BMPR1A: variants seen among roughly 807,000 people sequenced by gnomAD.
The protein encoded by BMPR1A is bone morphogenetic protein receptor type-1A.
A neutral mutation model predicts 66.0 loss-of-function variants in BMPR1A; 7 were observed. The observed-to-expected ratio is 0.11, with a 90% CI of 0.06 to 0.20. The LOEUF is 0.20. Ranked by LOEUF, BMPR1A falls within the 10% of genes least tolerant of loss-of-function variation. The probability of loss-of-function intolerance (pLI) is 1.00; values close to 1 mark genes in which losing one functional copy is unlikely to be tolerated. For missense variants in BMPR1A, 408 were observed against 669.1 expected (o/e 0.61, Z 4.31); for synonymous variants, 200 against 229.7 (o/e 0.87, Z 1.17).
intron 1 of BMPR1A, among the ~76,000 whole-genome samples, chr10:86,819,767 A>G (rs897431843): frequency 6.6e-6 from 1 of 152,218 alleles, no homozygotes; most frequent in African/African-American, 2.4e-5. Flanking sequence ...CCGGTAGGGT[A>G]ACAGTCTCCA....
intron 1 of BMPR1A, among the ~76,000 whole-genome samples, chr10:86,831,596 C>T (rs561488104): frequency 2.0e-5 from 3 of 151,658 alleles, no homozygotes; most frequent in Non-Finnish European, 4.4e-5. Flanking sequence ...TTTCTACAAA[C>T]GAACAAACAA....
intron 2 of BMPR1A, among the ~76,000 whole-genome samples, chr10:86,863,009 T>C (rs1842732945): frequency 6.6e-6 from 1 of 151,276 alleles, no homozygotes; most frequent in African/African-American, 2.4e-5. Flanking sequence ...TGAGACAGTC[T>C]CGCTTTGTCG....
In BMPR1A at chr10:86,923,745, C is replaced by G. The variant is rs2133626524; in HGVS notation, c.*26C>G. ...TGGTTAAACCATCGGAGGAGAAACT[C>G]TAGACTGCAAGAACTGTTTTTACCC... On this transcript the variant is annotated 3_prime_UTR_variant, in exon 13 of 13. Transcript: ENST00000372037. The G allele has an allele frequency of 2.5e-6, 4 of 1,611,912 alleles. No homozygotes were observed. The highest frequency in any genetic ancestry group is 3.4e-6 in the Non-Finnish European group (4 of 1,179,616).
intron 2 of BMPR1A, among the ~76,000 whole-genome samples, chr10:86,861,109 G>T (rs1403228109): frequency 6.6e-6 from 1 of 152,054 alleles, no homozygotes; most frequent in Non-Finnish European, 1.5e-5. Flanking sequence ...CCAAAGTGCT[G>T]GGATTACAGG....
intron 2 of BMPR1A, among the ~76,000 whole-genome samples, chr10:86,871,868 T>C (rs1174873190): frequency 4.6e-5 from 7 of 152,140 alleles, no homozygotes; most frequent in African/African-American, 1.7e-4. Context: ...TTGACAAAGA[T>C]GCTCTCAAAC....
At chr10:86,797,463 C>T (rs1841735822) in intron 1 of BMPR1A, among the ~76,000 whole-genome samples, 1 of 151,986 alleles carries the variant, frequency 6.6e-6, no homozygotes, top group Non-Finnish European at 1.5e-5. Flanking sequence ...GAACTCCTGG[C>T]CTCGTGATTC....
chr10:86,919,074 C>T (rs1414448790), intron 9 of BMPR1A, 98 bp from the exon 10 acceptor site: 2 of 1,373,006 alleles, frequency 1.5e-6, no homozygotes, highest in African/African-American at 2.9e-5. Flanking sequence ...ACTATCTGCA[C>T]ATGATACCTA....
At chr10:86,856,278 T>C (rs1274434368) in intron 2 of BMPR1A, 7 of 514,988 alleles carry the variant, frequency 1.4e-5, no homozygotes, top group South Asian at 8.5e-5. Context: ...CTTGTCTGTT[T>C]AGTACCTGTG....
chr10:86,864,285 A>G (rs1375479880), intron 2 of BMPR1A, among the ~76,000 whole-genome samples: 1 of 152,086 alleles, frequency 6.6e-6, no homozygotes, highest in Non-Finnish European at 1.5e-5. Context: ...TCCCCTCATG[A>G]CACCGACACG....
At position 86,896,260 on chromosome 10, in the gene BMPR1A, C is replaced by T. The variant is rs969056634; in HGVS notation, c.334-3534C>T. 3.3e-5 allele frequency among the ~76,000 whole-genome samples: 5 copies of T among 150,472 alleles called. No individual in the cohort carries two copies. The South Asian group carries it at 6.3e-4, about 19-fold the overall frequency. On this transcript the variant is annotated intron_variant, in intron 5 of 12. Coordinates refer to ENST00000372037, the MANE Select transcript of BMPR1A (RefSeq NM_004329.3). ...GATCATGCAACTCCACTCTAGTGTGCGGAGTGATAGCTAGATCTTCTATCA... is the reference window on the plus strand; with the variant it reads ...GATCATGCAACTCCACTCTAGTGTGTGGAGTGATAGCTAGATCTTCTATCA...
In BMPR1A at chr10:86,875,855, T is replaced by G. The variant is rs1343926022; in HGVS notation, c.-152-12T>G. ...TTGTATTCCTTACCTTTTAAATATT[T>G]TTGTCTTTCAGGAGTCGTAAGAAAG... On this transcript the variant is annotated splice_polypyrimidine_tract_variant and intron_variant, in intron 2 of 12. Transcript: ENST00000372037. 4 of 669,680 alleles carry G rather than the reference T, an allele frequency of 6.0e-6. No homozygotes were observed. Among genetic ancestry groups the G allele is most frequent in the Non-Finnish European group, 1.1e-5 (4 of 379,816 alleles). 41.5% of individuals were successfully genotyped at this position (669,680 alleles called of 1,614,324 possible).
At chr10:86,840,841 C>T (rs935739187) in intron 2 of BMPR1A, among the ~76,000 whole-genome samples, 4 of 152,280 alleles carry the variant, frequency 2.6e-5, no homozygotes, top group African/African-American at 9.6e-5. Context: ...GTCAGTTTTA[C>T]CTCTCTAATG....
chr10:86,853,894 C>T (rs1377873128), intron 2 of BMPR1A, among the ~76,000 whole-genome samples: 1 of 152,122 alleles, frequency 6.6e-6, no homozygotes, highest in East Asian at 1.9e-4. Context: ...GTTTCGGGCA[C>T]CATTGTCATT....
At chr10:86,848,355 G>A (rs1842514900) in intron 2 of BMPR1A, among the ~76,000 whole-genome samples, 2 of 152,146 alleles carry the variant, frequency 1.3e-5, no homozygotes, top group African/African-American at 2.4e-5. Flanking sequence ...ACAGTGCCTG[G>A]CCTATAGAGC....
chr10:86,903,668 G>T (rs2133481017), intron 7 of BMPR1A, among the ~76,000 whole-genome samples: 1 of 152,102 alleles, frequency 6.6e-6, no homozygotes, highest in African/African-American at 2.4e-5. Context: ...CTGGAGTGCA[G>T]TGGCACGATC....
chr10:86,906,377 G>T (rs761606269), intron 7 of BMPR1A, among the ~76,000 whole-genome samples: 2 of 152,014 alleles, frequency 1.3e-5, no homozygotes, highest in Non-Finnish European at 2.9e-5. Context: ...TCTATGGTTT[G>T]CTATCTTTCA....
chr10:86,901,764 A>G (rs1004083512), intron 7 of BMPR1A, among the ~76,000 whole-genome samples: 1 of 152,210 alleles, frequency 6.6e-6, no homozygotes, highest in Non-Finnish European at 1.5e-5. Flanking sequence ...GACAGGTGAT[A>G]ATATCTCAAG....
intron 7 of BMPR1A, among the ~76,000 whole-genome samples, chr10:86,902,040 G>T (rs568976766): frequency 6.4e-4 from 98 of 151,948 alleles, no homozygotes; most frequent in Non-Finnish European, 1.2e-3. Context: ...TGTATTTTTA[G>T]TAAAGACGGG....
intron 1 of BMPR1A, among the ~76,000 whole-genome samples, chr10:86,838,550 C>A (rs559003429): frequency 6.7e-6 from 1 of 149,276 alleles, no homozygotes; most frequent in East Asian, 2.0e-4. Flanking sequence ...TTCGGTGCTG[C>A]TTCTAGCTAT....
Sources: gnomAD v4.1 joint callset for allele counts (sites outside exome capture counted in the v4.1 genomes callset) on GRCh38, gnomAD v4.1.1 for gene constraint, MANE v1.5 for transcripts, NCBI Gene and HGNC (gene_info 2026-07-23, HGNC 2026-07-21) for gene names.